Variants in SKIC3 observed in about 807,000 individuals in gnomAD.
SKIC3 encodes the protein superkiller complex protein 3.
At chr5:95,538,901 A>T in the SKIC3 span, among the ~76,000 whole-genome samples, 1 of 152,360 alleles carries the variant, frequency 6.6e-6, no homozygotes, top group East Asian at 1.9e-4. Flanking sequence ...CTTTAAAAGT[A>T]TAACTTCTTA....
At chr5:95,481,710 A>G in the SKIC3 span, among the ~76,000 whole-genome samples, 1 of 152,160 alleles carries the variant, frequency 6.6e-6, no homozygotes, top group Non-Finnish European at 1.5e-5. Flanking sequence ...AAAGGGGAAA[A>G]AAGAATTACA....
the SKIC3 span, among the ~76,000 whole-genome samples, chr5:95,553,841 G>A: frequency 6.6e-6 from 1 of 151,658 alleles, no homozygotes; most frequent in Non-Finnish European, 1.5e-5. Flanking sequence ...TTACAGGCGT[G>A]AGCCACCGCG....
chr5:95,515,145 C>T, the SKIC3 span: 1 of 470,838 alleles, frequency 2.1e-6, no homozygotes, highest in South Asian at 2.1e-5. Context: ...GTTAGGAGTT[C>T]TGAACCCTAG....
the SKIC3 span, chr5:95,494,788 T>A: frequency 6.2e-7 from 1 of 1,613,708 alleles, no homozygotes; most frequent in Non-Finnish European, 8.5e-7. Context: ...TGTACAGTAA[T>A]GCCTTCTAAA....
chr5:95,497,412 T>C, the SKIC3 span: 1 of 1,611,474 alleles, frequency 6.2e-7, no homozygotes, highest in East Asian at 2.2e-5. Flanking sequence ...AAACGTTACT[T>C]TACCTTTGCA....
the SKIC3 span, among the ~76,000 whole-genome samples, chr5:95,480,886 G>A: frequency 6.6e-6 from 1 of 152,084 alleles, no homozygotes; most frequent in Admixed American, 6.6e-5. Context: ...CTACTCCATT[G>A]ATATGAAGTT....
chr5:95,516,517 A>G, the SKIC3 span: 2 of 1,613,310 alleles, frequency 1.2e-6, no homozygotes, highest in East Asian at 2.2e-5. Flanking sequence ...GACACATAGA[A>G]TACTCACAAT....
chr5:95,549,289 A>G, the SKIC3 span, among the ~76,000 whole-genome samples: 1 of 152,010 alleles, frequency 6.6e-6, no homozygotes, highest in African/African-American at 2.4e-5. Flanking sequence ...AGCCAGGCTG[A>G]ATGGATCAGA....
the SKIC3 span, among the ~76,000 whole-genome samples, chr5:95,527,379 G>T: frequency 6.6e-6 from 1 of 152,144 alleles, no homozygotes; most frequent in Non-Finnish European, 1.5e-5. Flanking sequence ...GCTGACAACG[G>T]TTCTGATTTT....
the SKIC3 span, among the ~76,000 whole-genome samples, chr5:95,535,385 AC>A: frequency 2.2e-5 from 3 of 134,786 alleles, no homozygotes; most frequent in Non-Finnish European, 3.0e-5. Flanking sequence ...ATCTCGGCTC[AC>A]TGCAACCTCC....
chr5:95,474,423 A>C, the SKIC3 span, among the ~76,000 whole-genome samples: 5 of 152,234 alleles, frequency 3.3e-5, no homozygotes, highest in Non-Finnish European at 5.9e-5. Context: ...AAAAAGGAAA[A>C]AAGGATGCTG....
At chr5:95,513,964 C>G in the SKIC3 span, among the ~76,000 whole-genome samples, 1 of 152,132 alleles carries the variant, frequency 6.6e-6, no homozygotes, top group Non-Finnish European at 1.5e-5. Context: ...CACTTGGGAG[C>G]AGTTAGAATG....
the SKIC3 span, among the ~76,000 whole-genome samples, chr5:95,507,975 T>C: frequency 1.3e-5 from 2 of 152,168 alleles, no homozygotes; most frequent in African/African-American, 2.4e-5. Context: ...TAGTTTTCTC[T>C]GTTTAAAAAT....
At chr5:95,532,334 C>T in the SKIC3 span, among the ~76,000 whole-genome samples, 1 of 152,088 alleles carries the variant, frequency 6.6e-6, no homozygotes, top group Non-Finnish European at 1.5e-5. Context: ...TTTGCTAAAG[C>T]CTGGGAGCAT....
chr5:95,510,984 A>C, the SKIC3 span, among the ~76,000 whole-genome samples: 1 of 152,230 alleles, frequency 6.6e-6, no homozygotes, highest in Non-Finnish European at 1.5e-5. Flanking sequence ...TTATTTAACA[A>C]AGTACACTGT....
chr5:95,464,421 A>C, the SKIC3 span: 1 of 516,772 alleles, frequency 1.9e-6, no homozygotes, highest in Non-Finnish European at 3.4e-6. Context: ...TTTTTTTTTC[A>C]GATTAAAATC....
At chr5:95,550,994 C>A in the SKIC3 span, among the ~76,000 whole-genome samples, 3 of 151,968 alleles carry the variant, frequency 2.0e-5, no homozygotes, top group Non-Finnish European at 4.4e-5. Context: ...TATTTCTGTG[C>A]CATTTTTGCT....
At chr5:95,523,316 A>G in the SKIC3 span, 1 of 1,613,128 alleles carries the variant, frequency 6.2e-7, no homozygotes, top group South Asian at 1.1e-5. Context: ...TAGGATAGCT[A>G]AAGCCATTTC....
At chr5:95,517,450 A>G in the SKIC3 span, 1 of 1,028,618 alleles carries the variant, frequency 9.7e-7, no homozygotes, top group African/African-American at 1.6e-5. Context: ...TAACTGAATC[A>G]TATCATATCA....
Sources: allele counts gnomAD v4.1 joint callset (sites outside exome capture counted in the v4.1 genomes callset), GRCh38; gene constraint gnomAD v4.1.1; transcripts MANE v1.5; gene names NCBI Gene and HGNC (gene_info 2026-07-23, HGNC 2026-07-21).